SFMBT2: variants seen among roughly 807,000 people sequenced by gnomAD.
SFMBT2 encodes the protein Scm like with four mbt domains 2.
SFMBT2 carries 38 observed loss-of-function variants against 110.1 expected under a neutral mutation model. The observed-to-expected ratio is 0.35, with a 90% confidence interval of 0.27 to 0.45. The LOEUF (loss-of-function observed/expected upper bound fraction) is 0.45. Among genes scored for constraint, SFMBT2 ranks in the 20% least tolerant of loss-of-function variants. The pLI is 1.00. For synonymous variants in SFMBT2, 425 were observed against 425.4 expected (o/e 1.00, Z 0.01); for missense variants, 1,011 against 1,094.9 (o/e 0.92, Z 1.08).
chr10:7,384,434 C>T (rs1364225240), intron 1 of SFMBT2, among the ~76,000 whole-genome samples: 1 of 151,894 alleles, frequency 6.6e-6, no homozygotes. Flanking sequence ...AAAATACAAA[C>T]TGAGTTTGCT....
At chr10:7,349,912 G>T (rs1401398810) in intron 4 of SFMBT2, among the ~76,000 whole-genome samples, 1 of 152,158 alleles carries the variant, frequency 6.6e-6, no homozygotes, top group East Asian at 1.9e-4. Flanking sequence ...AAATCTTCCA[G>T]TGTCTAGGAT....
At chr10:7,402,915 G>A (rs1040652628) in intron 1 of SFMBT2, among the ~76,000 whole-genome samples, 13 of 152,232 alleles carry the variant, frequency 8.5e-5, no homozygotes, top group Non-Finnish European at 1.6e-4. Context: ...GCTTTCGATA[G>A]TGTCTTCTTC....
At chr10:7,256,914 A>T (rs1202856533) in intron 7 of SFMBT2, among the ~76,000 whole-genome samples, 3 of 152,128 alleles carry the variant, frequency 2.0e-5, no homozygotes, top group African/African-American at 4.8e-5. Context: ...CTACATTATG[A>T]AACCCCATCT....
intron 12 of SFMBT2, chr10:7,203,013 A>G (rs1291001622): frequency 1.0e-6 from 1 of 985,334 alleles, no homozygotes; most frequent in Non-Finnish European, 1.2e-6. Flanking sequence ...CTGGTCAAAT[A>G]TTGACATAAA....
At chr10:7,239,861 G>A (rs556866281) in intron 9 of SFMBT2, among the ~76,000 whole-genome samples, 44 of 152,020 alleles carry the variant, frequency 2.9e-4, no homozygotes, top group African/African-American at 1.0e-3. Context: ...AAAAGCGTTA[G>A]ATTTGGTATC....
intron 16 of SFMBT2, among the ~76,000 whole-genome samples, chr10:7,184,995 G>C (rs1838351673): frequency 6.6e-6 from 1 of 152,128 alleles, no homozygotes; most frequent in Non-Finnish European, 1.5e-5. Flanking sequence ...TTCAGGGTCG[G>C]GAGAATGGGT....
chr10:7,222,772 C>T (rs570790258), intron 10 of SFMBT2, among the ~76,000 whole-genome samples: 7 of 152,032 alleles, frequency 4.6e-5, no homozygotes, highest in South Asian at 2.1e-4. Context: ...TGGGTTCAAG[C>T]GATTCTCCTG....
chr10:7,282,569 T>G (rs1349549137), intron 6 of SFMBT2, among the ~76,000 whole-genome samples: 1 of 152,206 alleles, frequency 6.6e-6, no homozygotes, highest in Non-Finnish European at 1.5e-5. Flanking sequence ...CAAAAATTAC[T>G]CAGGATAGAG....
At chr10:7,214,557 T>C (rs1388534195) in intron 11 of SFMBT2, 1 of 985,316 alleles carries the variant, frequency 1.0e-6, no homozygotes, top group African/African-American at 1.7e-5. Flanking sequence ...TATGAGGAAA[T>C]TCTACGGACT....
chr10:7,328,442 A>G (rs573935469), intron 4 of SFMBT2, among the ~76,000 whole-genome samples: 1 of 152,254 alleles, frequency 6.6e-6, no homozygotes, highest in South Asian at 2.1e-4. Flanking sequence ...CATTCTTTTA[A>G]GTGTCCTTCA....
chr10:7,202,139 G>C (rs951211868), intron 13 of SFMBT2: 1 of 197,274 alleles, frequency 5.1e-6, no homozygotes, highest in Non-Finnish European at 9.2e-6. Flanking sequence ...GCTGCGACTC[G>C]AAACTGCACC....
intron 20 of SFMBT2, among the ~76,000 whole-genome samples, chr10:7,168,530 C>T (rs936596639): frequency 5.3e-5 from 8 of 152,222 alleles, no homozygotes; most frequent in African/African-American, 1.2e-4. Context: ...CACACAGGGA[C>T]TGACAGATAC....
intron 1 of SFMBT2, among the ~76,000 whole-genome samples, chr10:7,409,136 G>T (rs1846303646): frequency 8.7e-6 from 1 of 114,452 alleles, no homozygotes; most frequent in African/African-American, 3.4e-5. Flanking sequence ...CTTCGGTCCC[G>T]GTCCCCCACC....
chr10:7,292,799 C>T (rs1842298842), intron 4 of SFMBT2, among the ~76,000 whole-genome samples: 1 of 152,012 alleles, frequency 6.6e-6, no homozygotes, highest in South Asian at 2.1e-4. Flanking sequence ...GGCGGATCAC[C>T]TAAGGCCAGG....
chr10:7,312,421 G>GA (rs1351197513), intron 4 of SFMBT2, among the ~76,000 whole-genome samples: 1 of 152,168 alleles, frequency 6.6e-6, no homozygotes, highest in Non-Finnish European at 1.5e-5. Flanking sequence ...CAGAAGTAAA[G>GA]CACAAGGGAG....
At chr10:7,382,339 G>A (rs1845449027) in intron 1 of SFMBT2, among the ~76,000 whole-genome samples, 2 of 152,140 alleles carry the variant, frequency 1.3e-5, no homozygotes, top group African/African-American at 4.8e-5. Flanking sequence ...GAACCTGGGA[G>A]GCAGAGATTG....
intron 11 of SFMBT2, among the ~76,000 whole-genome samples, chr10:7,217,050 A>T (rs568739718): frequency 6.6e-6 from 1 of 152,360 alleles, no homozygotes; most frequent in South Asian, 2.1e-4. Context: ...ATTATTTATG[A>T]TTGATAATAA....
rs138487580 is a variant in SFMBT2 at position 7,255,265 on chromosome 10, A to G, written c.871-6616T>C. ...TGTACTAAGAGATAATGGAAAATTC[A>G]CTGTCATTTGAAAGAGACATTCTTG... On this transcript the variant is annotated intron_variant, in intron 7 of 20. Coordinates refer to ENST00000397167, the MANE Select transcript of SFMBT2 (RefSeq NM_001387889.1). 7.7e-3 allele frequency among the ~76,000 whole-genome samples: 1,165 copies of G among 152,268 alleles called. 15 individuals carry two copies. The highest frequency in any genetic ancestry group is 0.025 in the African/African-American group (1,042 of 41,564).
At chr10:7,180,099 T>C (rs537591350) in intron 16 of SFMBT2, among the ~76,000 whole-genome samples, 1 of 150,506 alleles carries the variant, frequency 6.6e-6, no homozygotes, top group South Asian at 2.1e-4. Context: ...AAGCCTTCAG[T>C]TGTGGCCCTT....
Sources: allele counts gnomAD v4.1 joint callset (sites outside exome capture counted in the v4.1 genomes callset), GRCh38; gene constraint gnomAD v4.1.1; transcripts MANE v1.5; gene names NCBI Gene and HGNC (gene_info 2026-07-23, HGNC 2026-07-21).